The following UTRN variants were observed in gnomAD, a reference collection of about 807,000 sequenced individuals.
UTRN encodes the protein utrophin.
Under a neutral mutation model 463.9 loss-of-function variants are expected in UTRN, and 283 were observed. That is an observed-to-expected ratio of 0.61 (90% CI 0.55 to 0.67). UTRN has a LOEUF of 0.67. Ranked by LOEUF, UTRN falls within the 30% of genes least tolerant of loss-of-function variation. The pLI is 0.00. For missense variants in UTRN, 3,922 were observed against 4,084.3 expected (o/e 0.96, Z 1.08); for synonymous variants, 1,442 against 1,431.5 (o/e 1.01, Z -0.17).
chr6:144,451,002 A>C (rs1562419530), intron 17 of UTRN, among the ~76,000 whole-genome samples: 1 of 151,930 alleles, frequency 6.6e-6, no homozygotes, highest in East Asian at 1.9e-4. Flanking sequence ...AATCCTAGCT[A>C]CTCGGGAGGC....
chr6:144,480,006 A>G, intron 26 of UTRN, 24 bp downstream of exon 26: 1 of 1,607,292 alleles, frequency 6.2e-7, no homozygotes, highest in Non-Finnish European at 8.5e-7. Flanking sequence ...GACCAGTGCC[A>G]ACAGGCTTCA....
intron 28 of UTRN, among the ~76,000 whole-genome samples, chr6:144,486,112 G>A (rs550382169): frequency 6.6e-6 from 1 of 152,142 alleles, no homozygotes; most frequent in Admixed American, 6.5e-5. Context: ...GTGCAAAGAG[G>A]GTAGGTTTGC....
chr6:144,667,767 C>A (rs1221030320), intron 51 of UTRN, among the ~76,000 whole-genome samples: 1 of 152,114 alleles, frequency 6.6e-6, no homozygotes, highest in African/African-American at 2.4e-5. Flanking sequence ...TTCTATTTGG[C>A]ACATCTCAAA....
intron 71 of UTRN, among the ~76,000 whole-genome samples, chr6:144,838,389 T>C (rs1781280111): frequency 6.6e-6 from 1 of 152,050 alleles, no homozygotes; most frequent in African/African-American, 2.4e-5. Context: ...TCAACTCTAA[T>C]AGTAAAAACT....
At chr6:144,847,733 T>G (rs2128766237) in intron 74 of UTRN, among the ~76,000 whole-genome samples, 1 of 152,292 alleles carries the variant, frequency 6.6e-6, no homozygotes, top group Non-Finnish European at 1.5e-5. Flanking sequence ...AATTTCCTTG[T>G]GAGCAATTTG....
intron 3 of UTRN, among the ~76,000 whole-genome samples, chr6:144,403,741 A>G (rs1783130564): frequency 6.6e-6 from 1 of 152,044 alleles, no homozygotes; most frequent in Non-Finnish European, 1.5e-5. Context: ...TTTGAGCAAT[A>G]TTTTTTCATA....
In UTRN at chr6:144,499,274, G is replaced by T; in HGVS notation, c.4611G>T (p.Gln1537His). Residue 1537 changes from glutamine (Q) to histidine (H), a missense_variant, in exon 34 of 75, where the codon CAG becomes CAT. Around this residue, in one of 3 missense-constraint regions of UTRN, gnomAD observed 2,349 missense variants for 2,303.8 expected, o/e 1.02. Coordinates refer to ENST00000367545, the MANE Select transcript of UTRN (RefSeq NM_007124.3). ...CGTCTCAGGTGACAGAAGGAAAACA[G>T]GATCTGGAAAGAGCATCACAGTTGG... ...DLGAQVTEGKQDLERASQLAR... is the reference protein window; with the variant it reads ...DLGAQVTEGKHDLERASQLAR... The T allele has an allele frequency of 6.2e-7, 1 of 1,611,754 alleles. No homozygotes were observed. Among genetic ancestry groups the T allele is most frequent in the Non-Finnish European group, 8.5e-7 (1 of 1,178,464 alleles).
intron 51 of UTRN, among the ~76,000 whole-genome samples, chr6:144,607,696 C>T (rs1046139722): frequency 1.3e-5 from 2 of 152,224 alleles, no homozygotes; most frequent in East Asian, 3.9e-4. Context: ...TCAAAATTCA[C>T]CAAAAACTTC....
rs113664513 is a variant in UTRN, at chr6:144,542,991, C to T, written c.6595+121C>T. The T allele has an allele frequency of 1.2e-4, 97 of 810,294 alleles. No individual in the cohort carries two copies. The African/African-American group carries it at 1.4e-3, about 12-fold the overall frequency. The allele number at this position is 810,294 out of a possible 1,614,324, so 50.2% of individuals were successfully genotyped here. Reference sequence around the variant, plus strand: ...CGTCGTGCCATTTTCTTTATTTAATCTACTTTCAATGATTTGGAAAGAACA... The same window carrying T: ...CGTCGTGCCATTTTCTTTATTTAATTTACTTTCAATGATTTGGAAAGAACA... On this transcript the variant is annotated intron_variant, in intron 46 of 74. Transcript: ENST00000367545.
chr6:144,678,117 C>T (rs1364525213), intron 51 of UTRN, among the ~76,000 whole-genome samples: 7 of 152,104 alleles, frequency 4.6e-5, no homozygotes, highest in Non-Finnish European at 1.0e-4. Flanking sequence ...CTATTCCCAT[C>T]AAGCTACCAT....
At chr6:144,725,029 GCTGTGATATGGTTTGGCTCTGTGT>G (rs1787706770) in intron 53 of UTRN, among the ~76,000 whole-genome samples, 1 of 152,184 alleles carries the variant, frequency 6.6e-6, no homozygotes, top group Non-Finnish European at 1.5e-5. Flanking sequence ...TTCCAGAGTG[GCTGTGATATGGTTTGGCTCTGTGT>G]CCCCACCCAA....
At chr6:144,521,353 G>A (rs1219401539) in intron 39 of UTRN, among the ~76,000 whole-genome samples, 2 of 152,068 alleles carry the variant, frequency 1.3e-5, no homozygotes, top group East Asian at 3.9e-4. Context: ...ATCTATATTA[G>A]GGCAGATGAG....
At chr6:144,806,984 C>T (rs1778205173) in intron 65 of UTRN, among the ~76,000 whole-genome samples, 1 of 152,080 alleles carries the variant, frequency 6.6e-6, no homozygotes, top group South Asian at 2.1e-4. Context: ...TCAACATTTC[C>T]TAAAGTCGTT....
intron 37 of UTRN, 67 bp downstream of exon 37, chr6:144,514,887 A>G (rs1795480028): frequency 2.1e-6 from 3 of 1,438,016 alleles, no homozygotes; most frequent in Non-Finnish European, 2.8e-6. Flanking sequence ...ATAGTCATAC[A>G]GTACATACAT....
intron 66 of UTRN, among the ~76,000 whole-genome samples, chr6:144,821,502 G>T (rs918088560): frequency 1.3e-5 from 2 of 151,726 alleles, no homozygotes; most frequent in Non-Finnish European, 2.9e-5. Context: ...ATCACATTAT[G>T]ATTCTAATCT....
chr6:144,558,545 TG>T (rs1417670710), intron 50 of UTRN, among the ~76,000 whole-genome samples: 1 of 152,140 alleles, frequency 6.6e-6, no homozygotes, highest in Non-Finnish European at 1.5e-5. Flanking sequence ...TGTGAGTCAA[TG>T]GGTGCAGCAC....
chr6:144,796,335 G>C (rs932217584), intron 63 of UTRN, among the ~76,000 whole-genome samples: 1 of 152,008 alleles, frequency 6.6e-6, no homozygotes, highest in Non-Finnish European at 1.5e-5. Flanking sequence ...CTACCTCCTC[G>C]TACCATCTCC....
Position 144,803,261 on chromosome 6 carries a change from AT to A in UTRN, c.9357+124del, listed in dbSNP as rs71673559. ...TTTTTGAAAAAATATCACTTTGAAG[AT>A]TTTTTTTTTCTTTTAAGTAAACTCA... is the stretch of plus-strand genomic sequence containing the variant. On this transcript the variant is annotated intron_variant, in intron 65 of 74. Coordinates refer to ENST00000367545, the MANE Select transcript of UTRN (RefSeq NM_007124.3). 17,917 of 616,178 alleles carry A rather than the reference AT, an allele frequency of 0.029. 1,073 individuals are homozygous for A. Among genetic ancestry groups the A allele is most frequent in the African/African-American group, 0.2 (9,948 of 50,944 alleles). The allele number at this position is 616,178 out of a possible 1,614,324, so 38.2% of individuals were successfully genotyped here. A position where few individuals can be genotyped will look rare whatever the true frequency, so the allele number is the denominator to read the frequency against.
At chr6:144,734,022 T>C (rs977157765) in intron 54 of UTRN, among the ~76,000 whole-genome samples, 15 of 152,118 alleles carry the variant, frequency 9.9e-5, no homozygotes, top group African/African-American at 2.9e-4. Context: ...AAATAAGAGG[T>C]ATAAAGAAAT....
Sources: gnomAD v4.1 joint callset for allele counts (sites outside exome capture counted in the v4.1 genomes callset) on GRCh38, gnomAD v4.1.1 for gene constraint, gnomAD v4.1.1 regional missense constraint, MANE v1.5 for transcripts, NCBI Gene and HGNC (gene_info 2026-07-23, HGNC 2026-07-21) for gene names.